CNN3: variants seen among roughly 807,000 people sequenced by gnomAD.
CNN3 encodes calponin 3.
A neutral mutation model predicts 39.0 loss-of-function variants in CNN3; 11 were observed. The ratio of observed to expected loss-of-function variants is 0.28; its 90% confidence interval spans 0.18 to 0.47. The LOEUF (loss-of-function observed/expected upper bound fraction) is 0.47. Among genes scored for constraint, CNN3 ranks in the 20% least tolerant of loss-of-function variants. The probability of loss-of-function intolerance (pLI) is 0.99; values close to 1 mark genes in which losing one functional copy is unlikely to be tolerated. For missense variants in CNN3, 266 were observed against 403.4 expected (o/e 0.66, Z 2.92); for synonymous variants, 101 against 138.3 (o/e 0.73, Z 1.89).
At chr1:94,903,688 T>C (rs1355270461) in intron 1 of CNN3, among the ~76,000 whole-genome samples, 164 bp from the exon 2 acceptor site, 1 of 151,030 alleles carries the variant, frequency 6.6e-6, no homozygotes, top group Non-Finnish European at 1.5e-5. Flanking sequence ...ACAACTTCAG[T>C]AACTAATAAC....
chr1:94,926,733 G>T lies in CNN3; in HGVS notation c.57+105C>A. 7.6e-7 allele frequency: 1 copy of T among 1,316,352 alleles called. No individual in the cohort carries two copies. The highest frequency in any genetic ancestry group is 1.1e-6 in the Non-Finnish European group (1 of 938,094). The allele number at this position is 1,316,352 out of a possible 1,614,324, so 81.5% of individuals were successfully genotyped here. A position where few individuals can be genotyped will look rare whatever the true frequency, so the allele number is the denominator to read the frequency against. ...GCGCCGCCTCGACGGCCCCTCTCCA[G>T]GAAAACGGTGAGCCACAGCGCGAAG... is the stretch of plus-strand genomic sequence containing the variant. On this transcript the variant is annotated intron_variant, in intron 1 of 6. Coordinates refer to ENST00000370206, the MANE Select transcript of CNN3 (RefSeq NM_001839.5). This position sits in a 1 kb window ranked among gnomAD's most constrained non-coding sequence, Gnocchi z 4.2.
chr1:94,900,814 A>C (rs1670843233), intron 5 of CNN3, among the ~76,000 whole-genome samples: 1 of 152,226 alleles, frequency 6.6e-6, no homozygotes, highest in East Asian at 1.9e-4. Context: ...AAACTGACAA[A>C]TTCTAACAGG....
intron 1 of CNN3, among the ~76,000 whole-genome samples, chr1:94,918,488 T>C (rs912685241): frequency 2.1e-5 from 2 of 97,482 alleles, no homozygotes; most frequent in African/African-American, 8.7e-5. Context: ...AGTGAGACTG[T>C]CTCCCAAAAA....
intron 1 of CNN3, among the ~76,000 whole-genome samples, chr1:94,908,112 A>C (rs1398171286): frequency 6.6e-6 from 1 of 152,192 alleles, no homozygotes; most frequent in East Asian, 1.9e-4. Context: ...AATGATCCAG[A>C]GACCGAGGAG....
chr1:94,907,214 C>T (rs1362200996), intron 1 of CNN3, among the ~76,000 whole-genome samples: 2 of 152,174 alleles, frequency 1.3e-5, no homozygotes, highest in Non-Finnish European at 2.9e-5. Context: ...ACTAGGAATG[C>T]AGCCACATCA....
In CNN3 at chr1:94,897,977, A is replaced by G; in HGVS notation, c.755T>C (p.Val252Ala). 1 of 1,614,078 alleles carries G rather than the reference A, an allele frequency of 6.2e-7. No individual in the cohort carries two copies. The highest frequency in any genetic ancestry group is 8.5e-7 in the Non-Finnish European group (1 of 1,179,980). Residue 252 changes from valine (V) to alanine (A), a missense_variant, in exon 7 of 7, where the codon GTT (valine) becomes GCT (alanine). Val to Ala is a moderately conservative substitution (Grantham distance 64). Coordinates refer to ENST00000370206, the MANE Select transcript of CNN3 (RefSeq NM_001839.5). ...CACACTCATTCCTTTCTGGGAAGCA[A>G]CTTTGTTGGTACCCATCTGTAGGGA... ...TISLQMGTNK[V>A]ASQKGMSVYG...
At chr1:94,900,841 A>G (rs550914026) in intron 5 of CNN3, among the ~76,000 whole-genome samples, 2 of 152,152 alleles carry the variant, frequency 1.3e-5, no homozygotes, top group Non-Finnish European at 1.5e-5. Context: ...CTGCTATATC[A>G]TGATTTGGTA....
intron 6 of CNN3, 50 bp downstream of exon 6, chr1:94,899,321 A>G (rs768313296): frequency 1.3e-6 from 2 of 1,542,066 alleles, no homozygotes; most frequent in Non-Finnish European, 1.7e-6. Flanking sequence ...TCTGGTTAAT[A>G]AAAATAAGGT....
rs545031748 is a variant in CNN3, at chr1:94,907,808, T to C, written c.58-4284A>G. 4.2e-3 allele frequency among the ~76,000 whole-genome samples: 640 copies of C among 152,284 alleles called. 3 individuals are homozygous for C. The highest frequency in any genetic ancestry group is 0.01 in the Middle Eastern group (3 of 294). On this transcript the variant is annotated intron_variant, in intron 1 of 6. Transcript: ENST00000370206. ...CCGGGAGGCGGGGCTTGCAGTGAGC[T>C]GAGATGGTGCCACTGCACTGCAGCC...
Position 94,926,477 on chromosome 1 carries a change from G to T in CNN3, c.57+361C>A, listed in dbSNP as rs920218441. On this transcript the variant is annotated intron_variant, in intron 1 of 6. Transcript: ENST00000370206. This position sits in a 1 kb window ranked among gnomAD's most constrained non-coding sequence, Gnocchi z 4.2. ...GCGCAGACGGGCTCCGCCTAAGGGC[G>T]AGTGGCCACGCAGGAGCGCCCCCTT... Among the ~76,000 whole-genome samples, 2 of 152,292 alleles carry T rather than the reference G, an allele frequency of 1.3e-5. No individual in the cohort carries two copies. Among genetic ancestry groups the T allele is most frequent in the Middle Eastern group, 6.8e-3 (2 of 292 alleles).
chr1:94,925,552 G>T, intron 1 of CNN3: 1 of 947,278 alleles, frequency 1.1e-6, no homozygotes, highest in Non-Finnish European at 1.3e-6. Flanking sequence ...TTGCTTCAAA[G>T]ACAGTATGAT....
rs1010761195 is a variant in CNN3 at position 94,926,170 on chromosome 1, G to C, written c.57+668C>G. On this transcript the variant is annotated intron_variant, in intron 1 of 6. Transcript: ENST00000370206. The surrounding 1 kb of genome is among the most constrained non-coding windows in gnomAD (Gnocchi z 4.2). ...CTCAGTGTTTCATAAAAAGTCTCAA[G>C]CCTAAGCAGATATCACTCGCACAGT... Among the ~76,000 whole-genome samples the C allele has an allele frequency of 2.0e-5, 3 of 152,216 alleles. No homozygotes were observed. Among genetic ancestry groups the C allele is most frequent in the African/African-American group, 7.2e-5 (3 of 41,458 alleles).
intron 1 of CNN3, among the ~76,000 whole-genome samples, chr1:94,917,495 C>T (rs566993385): frequency 9.9e-5 from 15 of 152,106 alleles, no homozygotes; most frequent in Non-Finnish European, 1.6e-4. Flanking sequence ...GAAACTAAAA[C>T]AAGTTACTTT....
chr1:94,906,917 G>T (rs1237766042), intron 1 of CNN3, among the ~76,000 whole-genome samples: 1 of 152,138 alleles, frequency 6.6e-6, no homozygotes. Flanking sequence ...CCCAAACCAC[G>T]AAGTGACTAC....
chr1:94,907,626 C>G (rs1671037974), intron 1 of CNN3, among the ~76,000 whole-genome samples: 1 of 152,150 alleles, frequency 6.6e-6, no homozygotes, highest in African/African-American at 2.4e-5. Context: ...TCTGGGAGGC[C>G]AAGGTGGGCA....
rs1670804804 is a variant in CNN3, at chr1:94,899,450, T to A, written c.569A>T (p.Asp190Val). Reference protein sequence around the residue: ...TAYGTRRHLYDPKMQTDKPFD... With the variant: ...TAYGTRRHLYVPKMQTDKPFD... ...AGGTTTGTCAGTTTGCATTTTGGGATCATAAAGATGCCTCCTAGTCCCGTA... is the reference window on the plus strand; with the variant it reads ...AGGTTTGTCAGTTTGCATTTTGGGAACATAAAGATGCCTCCTAGTCCCGTA... Residue 190 changes from aspartate (D) to valine (V), a missense_variant, in exon 6 of 7, where the codon GAT becomes GTT. Asp to Val is a radical substitution (Grantham distance 152). Transcript: ENST00000370206. The A allele has an allele frequency of 6.2e-7, 1 of 1,613,982 alleles. No individual in the cohort carries two copies.
In CNN3 at chr1:94,902,269, G is replaced by A. The variant is rs529584586; in HGVS notation, c.247-11C>T. 1 of 1,601,896 alleles carries A rather than the reference G, an allele frequency of 6.2e-7. No homozygotes were observed. Among genetic ancestry groups the A allele is most frequent in the East Asian group, 2.2e-5 (1 of 44,840 alleles). On this transcript the variant is annotated splice_polypyrimidine_tract_variant and intron_variant, in intron 3 of 6. Coordinates refer to ENST00000370206, the MANE Select transcript of CNN3 (RefSeq NM_001839.5). ...GCCAATATTCTCCAACTATAAAGAA[G>A]AAGAGTTTTATAATTTCTGGAGCTA...
At chr1:94,909,876 T>G (rs545015006) in intron 1 of CNN3, among the ~76,000 whole-genome samples, 1 of 152,030 alleles carries the variant, frequency 6.6e-6, no homozygotes, top group African/African-American at 2.4e-5. Flanking sequence ...GAAAAAAAGA[T>G]GGGGGCACAT....
rs891411357 is a variant in CNN3 at position 94,902,192 on chromosome 1, C to G, written c.313G>C (p.Glu105Gln). Reference sequence around the variant, plus strand: ...CCATTCTCAAAAAGATCATTTGCTTCGAATATGTCATGTGGCTTCATACCA... The same window carrying G: ...CCATTCTCAAAAAGATCATTTGCTTGGAATATGTCATGTGGCTTCATACCA... ...AYGMKPHDIF[E>Q]ANDLFENGNM... Residue 105 changes from glutamate to glutamine, a missense_variant, in exon 4 of 7, where the codon GAA becomes CAA. Physicochemically the swap from Glu to Gln is conservative, Grantham distance 29 (BLOSUM62 2). Coordinates refer to ENST00000370206, the MANE Select transcript of CNN3 (RefSeq NM_001839.5). 6.2e-7 allele frequency: 1 copy of G among 1,613,392 alleles called. No individual in the cohort carries two copies.
Sources: allele counts gnomAD v4.1 joint callset (sites outside exome capture counted in the v4.1 genomes callset), GRCh38; gene constraint gnomAD v4.1.1; non-coding constraint Gnocchi (gnomAD v3.1); transcripts MANE v1.5; gene names NCBI Gene and HGNC (gene_info 2026-07-23, HGNC 2026-07-21).